AGBL4: variants seen among roughly 807,000 people sequenced by gnomAD.
The protein encoded by AGBL4 is AGBL carboxypeptidase 4.
A neutral mutation model predicts 66.4 loss-of-function variants in AGBL4; 58 were observed. The observed-to-expected ratio is 0.87, with a 90% confidence interval of 0.71 to 1.09. The LOEUF (loss-of-function observed/expected upper bound fraction) is 1.09, where lower values mean the gene tolerates loss of function less well. AGBL4 is among the 50% of genes least tolerant of loss of function. The pLI, the probability that AGBL4 is intolerant of heterozygous loss-of-function variation, is 0.00. For synonymous variants in AGBL4, 234 were observed against 222.9 expected (o/e 1.05, Z -0.44); for missense variants, 579 against 631.0 (o/e 0.92, Z 0.88).
At chr1:49,622,460 T>G (rs551422608) in intron 3 of AGBL4, among the ~76,000 whole-genome samples, 13 of 150,438 alleles carry the variant, frequency 8.6e-5, no homozygotes, top group Admixed American at 7.3e-4. Context: ...AAACCCCGTC[T>G]CTACTAAAAA....
At chr1:49,065,612 T>C (rs758340692) in intron 4 of AGBL4, among the ~76,000 whole-genome samples, 6 of 152,238 alleles carry the variant, frequency 3.9e-5, no homozygotes, top group Admixed American at 6.5e-5. Flanking sequence ...ATTATCCATA[T>C]GCTCTACTTT....
intron 11 of AGBL4, among the ~76,000 whole-genome samples, chr1:48,553,008 T>C (rs1644271528): frequency 6.6e-6 from 1 of 152,082 alleles, no homozygotes; most frequent in South Asian, 2.1e-4. Context: ...ACTGCTGGTA[T>C]TTATAGCTTG....
chr1:49,012,661 C>T (rs3118226), intron 5 of AGBL4, among the ~76,000 whole-genome samples: 82,289 of 151,978 alleles, frequency 0.54, 23,019 homozygotes, highest in Non-Finnish European at 0.61. Flanking sequence ...CTGACCTGTA[C>T]CTGAAATTCT....
intron 1 of AGBL4, among the ~76,000 whole-genome samples, chr1:50,002,854 A>T (rs1484038465): frequency 6.6e-6 from 1 of 152,224 alleles, no homozygotes; most frequent in Non-Finnish European, 1.5e-5. Context: ...TACTCTCTGT[A>T]TGGATGCCAA....
intron 4 of AGBL4, among the ~76,000 whole-genome samples, chr1:49,119,962 T>C (rs983567116): frequency 3.3e-5 from 5 of 152,208 alleles, no homozygotes; most frequent in African/African-American, 1.2e-4. Flanking sequence ...TTGGTCTTTG[T>C]TGGTTTAAAG....
chr1:48,871,394 T>C (rs981213040), intron 5 of AGBL4, among the ~76,000 whole-genome samples: 2 of 151,920 alleles, frequency 1.3e-5, no homozygotes, highest in East Asian at 3.9e-4. Context: ...TGTTTGTGTG[T>C]GTATGTGCGT....
intron 2 of AGBL4, among the ~76,000 whole-genome samples, chr1:49,733,110 G>C (rs2124719489): frequency 6.6e-6 from 1 of 152,234 alleles, no homozygotes; most frequent in East Asian, 1.9e-4. Flanking sequence ...AGCCAAAGGA[G>C]GCCAGAAGGC....
intron 1 of AGBL4, among the ~76,000 whole-genome samples, chr1:49,855,111 C>G (rs1040294559): frequency 3.3e-5 from 5 of 152,108 alleles, no homozygotes. Flanking sequence ...TAGAAATCAC[C>G]CAGTCTGGGG....
At chr1:49,564,649 T>C (rs1644144879) in intron 3 of AGBL4, among the ~76,000 whole-genome samples, 1 of 152,224 alleles carries the variant, frequency 6.6e-6, no homozygotes, top group Non-Finnish European at 1.5e-5. Flanking sequence ...AGTTCTAGTT[T>C]GATTGCACTG....
At chr1:49,565,992 G>A (rs1279845560) in intron 3 of AGBL4, among the ~76,000 whole-genome samples, 1 of 152,104 alleles carries the variant, frequency 6.6e-6, no homozygotes, top group Non-Finnish European at 1.5e-5. Flanking sequence ...TGGAGGCTTT[G>A]TTCATTTCTT....
At chr1:49,315,848 T>G (rs1645030523) in intron 3 of AGBL4, among the ~76,000 whole-genome samples, 1 of 152,054 alleles carries the variant, frequency 6.6e-6, no homozygotes, top group Admixed American at 6.6e-5. Context: ...TGGCAAAACT[T>G]GGAAGCAACC....
At chr1:48,735,622 CCT>C (rs1264190702) in intron 6 of AGBL4, among the ~76,000 whole-genome samples, 1 of 151,938 alleles carries the variant, frequency 6.6e-6, no homozygotes, top group Non-Finnish European at 1.5e-5. Flanking sequence ...CAAATGACTC[CCT>C]GTCTCTTTGC....
At chr1:49,863,511 G>A (rs1646625510) in intron 1 of AGBL4, among the ~76,000 whole-genome samples, 1 of 152,182 alleles carries the variant, frequency 6.6e-6, no homozygotes, top group Non-Finnish European at 1.5e-5. Flanking sequence ...CAGAATGTGA[G>A]AAAATATTTG....
At chr1:49,735,549 AT>A (rs572750765) in intron 2 of AGBL4, among the ~76,000 whole-genome samples, 132 of 152,222 alleles carry the variant, frequency 8.7e-4, no homozygotes, top group African/African-American at 3.0e-3. Flanking sequence ...AGATAAAAAA[AT>A]GCATGTTGTT....
At chr1:49,564,358 G>A (rs532598824) in intron 3 of AGBL4, among the ~76,000 whole-genome samples, 1 of 152,074 alleles carries the variant, frequency 6.6e-6, no homozygotes, top group South Asian at 2.1e-4. Context: ...GCTTTTGAAT[G>A]TGTTTGCTAT....
chr1:49,305,716 G>A (rs1256346470), intron 3 of AGBL4, among the ~76,000 whole-genome samples: 1 of 148,956 alleles, frequency 6.7e-6, no homozygotes, highest in Non-Finnish European at 1.5e-5. Flanking sequence ...TTTAGATGGA[G>A]TTTTGCTCTT....
intron 5 of AGBL4, among the ~76,000 whole-genome samples, chr1:48,868,795 T>A (rs917203087): frequency 1.3e-5 from 2 of 152,206 alleles, no homozygotes; most frequent in Non-Finnish European, 2.9e-5. Context: ...TTTCATCTTC[T>A]TTCTTGGTAG....
At chr1:48,992,426 G>C (rs1660668284) in intron 5 of AGBL4, among the ~76,000 whole-genome samples, 1 of 152,074 alleles carries the variant, frequency 6.6e-6, no homozygotes, top group South Asian at 2.1e-4. Context: ...TGCTGGGTCT[G>C]ACCTGAAGCC....
At chr1:49,019,972 C>T (rs990593342) in intron 5 of AGBL4, among the ~76,000 whole-genome samples, 2 of 152,172 alleles carry the variant, frequency 1.3e-5, no homozygotes, top group Non-Finnish European at 2.9e-5. Flanking sequence ...CCATATGTGG[C>T]ACATATACAC....
Sources: allele counts gnomAD v4.1 joint callset (sites outside exome capture counted in the v4.1 genomes callset), GRCh38; gene constraint gnomAD v4.1.1; transcripts MANE v1.5; gene names NCBI Gene and HGNC (gene_info 2026-07-23, HGNC 2026-07-21).